The following POFUT3 variants were observed in gnomAD, a reference collection of about 807,000 sequenced individuals.
POFUT3 encodes the protein GDP-fucose protein O-fucosyltransferase 3.
chr8:33,466,256 A>G, the POFUT3 span, among the ~76,000 whole-genome samples: 160 of 152,120 alleles, frequency 1.1e-3, 5 homozygotes, highest in African/African-American at 3.7e-3. Flanking sequence ...GTCTCTACAA[A>G]AAAAATTTTT....
chr8:33,336,023 A>G, the POFUT3 span, among the ~76,000 whole-genome samples: 1 of 152,176 alleles, frequency 6.6e-6, no homozygotes. Context: ...GTTCAAACGC[A>G]TGTTGTTCAA....
At chr8:33,384,433 C>G in the POFUT3 span, among the ~76,000 whole-genome samples, 2 of 152,162 alleles carry the variant, frequency 1.3e-5, no homozygotes, top group Non-Finnish European at 2.9e-5. Flanking sequence ...AGCAATTAGT[C>G]CTTGCTGAAA....
chr8:33,368,265 G>GT, the POFUT3 span, among the ~76,000 whole-genome samples: 1 of 152,150 alleles, frequency 6.6e-6, no homozygotes, highest in Non-Finnish European at 1.5e-5. Flanking sequence ...AGGCTTGGCT[G>GT]TTAAGTCCAA....
the POFUT3 span, among the ~76,000 whole-genome samples, chr8:33,400,329 T>G: frequency 6.6e-6 from 1 of 152,104 alleles, no homozygotes; most frequent in South Asian, 2.1e-4. Context: ...GGTACACACC[T>G]GTAATCCCAG....
At chr8:33,378,102 C>T in the POFUT3 span, among the ~76,000 whole-genome samples, 1,916 of 152,258 alleles carry the variant, frequency 0.013, 34 homozygotes, top group South Asian at 0.043. Flanking sequence ...TTTCTATGGA[C>T]CTCCATCAAA....
the POFUT3 span, among the ~76,000 whole-genome samples, chr8:33,350,521 G>C: frequency 4.6e-5 from 7 of 152,308 alleles, no homozygotes; most frequent in Admixed American, 3.9e-4. Flanking sequence ...GGAAGGGACA[G>C]ATGTGAATAT....
At chr8:33,362,829 G>C in the POFUT3 span, among the ~76,000 whole-genome samples, 2 of 151,954 alleles carry the variant, frequency 1.3e-5, no homozygotes, top group Non-Finnish European at 2.9e-5. Context: ...ATGGGAGAGT[G>C]TAACACCCCA....
the POFUT3 span, among the ~76,000 whole-genome samples, chr8:33,400,160 G>C: frequency 6.7e-6 from 1 of 149,460 alleles, no homozygotes; most frequent in Non-Finnish European, 1.5e-5. Flanking sequence ...ATGGTGGGGG[G>C]GTGGGGAGGG....
chr8:33,415,105 T>C, the POFUT3 span, among the ~76,000 whole-genome samples: 2 of 151,400 alleles, frequency 1.3e-5, no homozygotes, highest in East Asian at 3.9e-4. Context: ...CTACAAAAAA[T>C]ACAAAAACTA....
the POFUT3 span, among the ~76,000 whole-genome samples, chr8:33,340,478 CA>C: frequency 4.0e-5 from 6 of 150,798 alleles, no homozygotes; most frequent in African/African-American, 1.2e-4. Flanking sequence ...AATACACTCC[CA>C]AAAAAAACCC....
chr8:33,318,790 AATATATATATATTTTATATATATT>A, the POFUT3 span, among the ~76,000 whole-genome samples: 5 of 48,660 alleles, frequency 1.0e-4, 1 homozygote, highest in Admixed American at 3.3e-4. Flanking sequence ...ATATTTATAT[AATATATATATATTTTATATATATT>A]ATATATATAT....
At chr8:33,384,311 C>T in the POFUT3 span, among the ~76,000 whole-genome samples, 199 of 152,300 alleles carry the variant, frequency 1.3e-3, no homozygotes, top group African/African-American at 4.6e-3. Flanking sequence ...ACCTGATCTA[C>T]CAGCAACAAT....
the POFUT3 span, among the ~76,000 whole-genome samples, chr8:33,447,276 C>A: frequency 2.6e-5 from 4 of 151,980 alleles, no homozygotes; most frequent in African/African-American, 9.7e-5. Context: ...ACTGAAAACC[C>A]GTCTCTACTA....
At chr8:33,383,745 G>A in the POFUT3 span, among the ~76,000 whole-genome samples, 1 of 152,080 alleles carries the variant, frequency 6.6e-6, no homozygotes, top group Non-Finnish European at 1.5e-5. Context: ...GTTGCAGTGA[G>A]CCGAAATTGC....
the POFUT3 span, among the ~76,000 whole-genome samples, chr8:33,414,760 T>C: frequency 3.3e-5 from 5 of 152,110 alleles, no homozygotes; most frequent in Non-Finnish European, 5.9e-5. Flanking sequence ...CCTTCTTTTA[T>C]TTCCAAACAA....
chr8:33,334,964 G>C, the POFUT3 span, among the ~76,000 whole-genome samples: 1 of 152,188 alleles, frequency 6.6e-6, no homozygotes, highest in African/African-American at 2.4e-5. Context: ...ATTTCTATAA[G>C]CAGGCTTTGA....
the POFUT3 span, among the ~76,000 whole-genome samples, chr8:33,403,291 TGAGA>T: frequency 6.6e-6 from 1 of 151,832 alleles, no homozygotes; most frequent in Non-Finnish European, 1.5e-5. Context: ...TGTGTGTGTA[TGAGA>T]GACAGTGTGT....
the POFUT3 span, among the ~76,000 whole-genome samples, chr8:33,443,586 G>T: frequency 2.0e-5 from 3 of 152,090 alleles, no homozygotes; most frequent in Admixed American, 6.6e-5. Context: ...TCTGCCTCCC[G>T]GGTTCAAGTG....
the POFUT3 span, among the ~76,000 whole-genome samples, chr8:33,309,199 T>C: frequency 0.016 from 1,473 of 89,840 alleles, 107 homozygotes; most frequent in African/African-American, 0.059. Flanking sequence ...TATATATATA[T>C]ACACACACAT....
Sources: gnomAD v4.1 joint callset for allele counts (sites outside exome capture counted in the v4.1 genomes callset) on GRCh38, gnomAD v4.1.1 for gene constraint, MANE v1.5 for transcripts, NCBI Gene and HGNC (gene_info 2026-07-23, HGNC 2026-07-21) for gene names.